Variants in STK3 observed in about 807,000 individuals in gnomAD.
STK3 encodes the protein serine/threonine kinase 3.
Under a neutral mutation model 58.0 loss-of-function variants are expected in STK3, and 41 were observed. That is an observed-to-expected ratio of 0.71 (90% CI 0.55 to 0.92). The LOEUF is 0.92. STK3 is among the 40% of genes least tolerant of loss of function. The probability of loss-of-function intolerance (pLI) is 0.00; values close to 1 mark genes in which losing one functional copy is unlikely to be tolerated. For missense variants in STK3, 479 were observed against 602.7 expected (o/e 0.79, Z 2.15); for synonymous variants, 170 against 191.0 (o/e 0.89, Z 0.91).
chr8:98,863,439 T>C (rs1326351967), intron 3 of STK3, among the ~76,000 whole-genome samples: 1 of 152,072 alleles, frequency 6.6e-6, no homozygotes, highest in Non-Finnish European at 1.5e-5. Flanking sequence ...CCATATATAA[T>C]AGAGATAACA....
In STK3 at chr8:98,889,396, A is replaced by C. The variant is rs768699247; in HGVS notation, c.-78-5562T>G. ...GTTCCCAGAAACCTCCCTCCCCTGC[A>C]AAGCACTCCTATAACAAATAAATAA... On this transcript the variant is annotated intron_variant, in intron 1 of 1. Transcript: ENST00000519420. Among the ~76,000 whole-genome samples, 77 of 152,206 alleles carry C rather than the reference A, an allele frequency of 5.1e-4. 1 individual carries two copies. Among genetic ancestry groups the C allele is most frequent in the Non-Finnish European group, 2.1e-4 (14 of 68,030 alleles).
At chr8:98,668,994 T>TTC (rs1428415646) in intron 6 of STK3, among the ~76,000 whole-genome samples, 1 of 147,236 alleles carries the variant, frequency 6.8e-6, no homozygotes, top group East Asian at 2.0e-4. Context: ...TTGTCTTTTT[T>TTC]TTTTTTTTTT....
chr8:98,721,545 T>C (rs1305118469), intron 4 of STK3, among the ~76,000 whole-genome samples: 1 of 151,510 alleles, frequency 6.6e-6, no homozygotes, highest in Non-Finnish European at 1.5e-5. Flanking sequence ...AAAATAGTCA[T>C]AGCAAGATAT....
Position 98,596,025 on chromosome 8 carries a change from C to A in STK3, c.822+7G>T, listed in dbSNP as rs1361493102. The A allele has an allele frequency of 6.2e-7, 1 of 1,611,792 alleles. No individual in the cohort carries two copies. The highest frequency in any genetic ancestry group is 8.5e-7 in the Non-Finnish European group (1 of 1,178,652). On this transcript the variant is annotated splice_region_variant and intron_variant, in intron 7 of 10. Coordinates refer to ENST00000419617, the MANE Select transcript of STK3 (RefSeq NM_006281.4). The stretch of plus-strand genomic sequence containing the variant: ...AATATCCTTCCCTTCGAGGCACAAG[C>A]ACTGACCTGTAAAAGTTGTGTTGCA...
intron 9 of STK3, among the ~76,000 whole-genome samples, chr8:98,532,251 A>G (rs1380861805): frequency 6.6e-6 from 1 of 152,178 alleles, no homozygotes; most frequent in Non-Finnish European, 1.5e-5. Flanking sequence ...CATAGAGGCC[A>G]TTGCAGGGTT....
intron 6 of STK3, among the ~76,000 whole-genome samples, chr8:98,617,853 G>A (rs1817894913): frequency 6.6e-6 from 1 of 152,146 alleles, no homozygotes; most frequent in African/African-American, 2.4e-5. Flanking sequence ...TCCAGGACCA[G>A]ATGGATTCAC....
chr8:98,762,699 A>G (rs1830704567), intron 3 of STK3, among the ~76,000 whole-genome samples: 2 of 152,222 alleles, frequency 1.3e-5, no homozygotes, highest in African/African-American at 4.8e-5. Flanking sequence ...CTTTGTTTAG[A>G]TATGAAAAGT....
intron 4 of STK3, among the ~76,000 whole-genome samples, chr8:98,739,909 T>A (rs1168583123): frequency 6.6e-6 from 1 of 151,414 alleles, no homozygotes; most frequent in Non-Finnish European, 1.5e-5. Flanking sequence ...AAGGAGCTGA[T>A]GGAGCTGAAA....
At chr8:98,908,162 T>G (rs895097076) in intron 1 of STK3, among the ~76,000 whole-genome samples, 1 of 152,242 alleles carries the variant, frequency 6.6e-6, no homozygotes, top group Non-Finnish European at 1.5e-5. Context: ...AGATTCACTA[T>G]TTCAGAAAGG....
At chr8:98,905,812 A>G (rs1471204082) in intron 1 of STK3, 1 of 366,028 alleles carries the variant, frequency 2.7e-6, no homozygotes, top group Non-Finnish European at 5.2e-6. Flanking sequence ...ACGATTCACA[A>G]ATTCGGAGCC....
exon 3 of STK3, chr8:98,434,231 A>T (rs1479219879): frequency 2.0e-5 from 3 of 152,216 alleles, no homozygotes; most frequent in African/African-American, 7.2e-5. Flanking sequence ...CTGAGGAAGG[A>T]CGCACAGCAC....
At chr8:98,353,230 T>C in the STK3 span, among the ~76,000 whole-genome samples, 3 of 152,060 alleles carry the variant, frequency 2.0e-5, no homozygotes, top group African/African-American at 7.2e-5. Flanking sequence ...TCCTAGCAAT[T>C]TGGTAGGCAG....
intron 6 of STK3, among the ~76,000 whole-genome samples, chr8:98,702,805 G>A (rs957785181): frequency 4.6e-5 from 7 of 152,314 alleles, no homozygotes; most frequent in African/African-American, 1.7e-4. Context: ...ACCACCAGTG[G>A]CTGGGCACCC....
chr8:98,399,464 G>A (rs1045752281), downstream of STK3, among the ~76,000 whole-genome samples: 2 of 152,232 alleles, frequency 1.3e-5, no homozygotes, highest in African/African-American at 2.4e-5. Context: ...GCCTGGCCAC[G>A]GCAGGGAAGG....
chr8:98,581,744 G>A lies in STK3; in HGVS notation c.823-1955C>T, dbSNP rs146123689. Among the ~76,000 whole-genome samples the A allele has an allele frequency of 2.6e-5, 4 of 151,758 alleles. No individual in the cohort carries two copies. In the East Asian group the frequency reaches 5.9e-4, roughly 22 times the overall value. On this transcript the variant is annotated intron_variant, in intron 7 of 10. Coordinates refer to ENST00000419617, the MANE Select transcript of STK3 (RefSeq NM_006281.4). The stretch of plus-strand genomic sequence containing the variant: ...CACTACCCAGTGTGGGATAAATGAG[G>A]GAAAAAGAAACCCCAGGGAACTCAC...
At chr8:98,797,883 T>C (rs1385741166) in intron 1 of STK3, among the ~76,000 whole-genome samples, 4 of 152,146 alleles carry the variant, frequency 2.6e-5, no homozygotes, top group Admixed American at 2.6e-4. Context: ...AGCAAAAGAA[T>C]GGTTGATGAA....
At chr8:98,453,386 C>A (rs1819293889), downstream of STK3, among the ~76,000 whole-genome samples, 1 of 152,180 alleles carries the variant, frequency 6.6e-6, no homozygotes, top group African/African-American at 2.4e-5. Context: ...TGCACCCAGG[C>A]AGATTTCTTT....
intron 1 of STK3, among the ~76,000 whole-genome samples, chr8:98,892,708 A>G (rs926041407): frequency 6.6e-6 from 1 of 152,146 alleles, no homozygotes; most frequent in Non-Finnish European, 1.5e-5. Context: ...AGCTTTATCC[A>G]TCTGACTCTA....
intron 3 of STK3, among the ~76,000 whole-genome samples, chr8:98,411,531 C>T (rs1357719966): frequency 6.6e-6 from 1 of 152,240 alleles, no homozygotes; most frequent in Non-Finnish European, 1.5e-5. Flanking sequence ...GCAGCCTGCC[C>T]TGCCCCTGCC....
Sources: allele counts gnomAD v4.1 joint callset (sites outside exome capture counted in the v4.1 genomes callset), GRCh38; gene constraint gnomAD v4.1.1; transcripts MANE v1.5; gene names NCBI Gene and HGNC (gene_info 2026-07-23, HGNC 2026-07-21).